OR56A3: variants seen among roughly 807,000 people sequenced by gnomAD.
The protein encoded by OR56A3 is olfactory receptor 56A3.
OR56A3 carries 23 observed loss-of-function variants against 17.5 expected under a neutral mutation model. The observed-to-expected ratio is 1.32, with a 90% confidence interval of 0.95 to 1.87. The LOEUF (loss-of-function observed/expected upper bound fraction) is 1.87. Among genes scored for constraint, OR56A3 ranks in the 40% most tolerant of loss-of-function variants. OR56A3 has a pLI of 0.00. For synonymous variants in OR56A3, 175 were observed against 150.6 expected (o/e 1.16, Z -1.19); for missense variants, 366 against 380.1 (o/e 0.96, Z 0.31).
chr11:5,970,467 G>A, the OR56A3 span, among the ~76,000 whole-genome samples: 2 of 152,168 alleles, frequency 1.3e-5, no homozygotes, highest in Admixed American at 6.5e-5. Flanking sequence ...TAGAATGCGG[G>A]AGGACAGGGA....
the OR56A3 span, among the ~76,000 whole-genome samples, chr11:5,964,505 T>G: frequency 6.6e-6 from 1 of 152,014 alleles, no homozygotes; most frequent in African/African-American, 2.4e-5. Flanking sequence ...AGTGCAGCAG[T>G]GGGTTGGAAT....
At chr11:6,018,302 A>C in the OR56A3 span, among the ~76,000 whole-genome samples, 27 of 152,174 alleles carry the variant, frequency 1.8e-4, no homozygotes, top group African/African-American at 4.8e-4. Flanking sequence ...ATCAGCACAA[A>C]GAACATTGTC....
the OR56A3 span, among the ~76,000 whole-genome samples, chr11:5,966,243 G>C: frequency 6.6e-6 from 1 of 150,486 alleles, no homozygotes; most frequent in Non-Finnish European, 1.5e-5. Context: ...GCATGGTGGT[G>C]CACACCTGTA....
Position 5,947,664 on chromosome 11 carries a change from C to T in OR56A3, c.318C>T (p.Tyr106=). Residue 106 remains tyrosine (Y), a synonymous_variant, in exon 3 of 3, where the codon TAC becomes TAT. Transcript: ENST00000641160. The part of the protein sequence containing the change: ...ISFPACFLQM[Y]IMNCFLAMES... ...TCCCTGCCTGCTTCCTCCAGATGTA[C>T]ATCATGAATTGTTTCCTAGCCATGG... The T allele has an allele frequency of 6.2e-7, 1 of 1,614,202 alleles. No individual in the cohort carries two copies.
chr11:5,962,033 T>A, the OR56A3 span, among the ~76,000 whole-genome samples: 3 of 152,238 alleles, frequency 2.0e-5, no homozygotes, highest in Non-Finnish European at 4.4e-5. Flanking sequence ...GAATTTGCCA[T>A]ATGTAACCTT....
chr11:5,986,007 A>C, the OR56A3 span: 114 of 1,612,932 alleles, frequency 7.1e-5, no homozygotes, highest in Non-Finnish European at 9.2e-5. Context: ...CTCCATAGAC[A>C]AGAGGATTGA....
the OR56A3 span, chr11:6,002,883 A>G: frequency 1.9e-6 from 3 of 1,614,060 alleles, no homozygotes; most frequent in Non-Finnish European, 2.5e-6. Flanking sequence ...CAGGAGGAAG[A>G]GAAGGCTGAG....
the OR56A3 span, among the ~76,000 whole-genome samples, chr11:5,985,609 G>A: frequency 6.6e-6 from 1 of 152,158 alleles, no homozygotes; most frequent in South Asian, 2.1e-4. Flanking sequence ...AGACAGTGTT[G>A]CATGGCCTAC....
the OR56A3 span, chr11:5,995,087 C>A: frequency 1.7e-6 from 1 of 596,510 alleles, no homozygotes; most frequent in South Asian, 1.8e-5. Context: ...GGCCGGGTGC[C>A]ATAGCTGGGC....
At chr11:5,967,662 A>T in the OR56A3 span, 1 of 1,614,018 alleles carries the variant, frequency 6.2e-7, no homozygotes, top group Non-Finnish European at 8.5e-7. Flanking sequence ...GATGTTGAGC[A>T]GGATGGGGAC....
chr11:5,962,040 C>G, the OR56A3 span, among the ~76,000 whole-genome samples: 2 of 151,980 alleles, frequency 1.3e-5, no homozygotes, highest in African/African-American at 2.4e-5. Context: ...CCATATGTAA[C>G]CTTTATTATG....
At chr11:5,972,104 G>T in the OR56A3 span, among the ~76,000 whole-genome samples, 31 of 152,272 alleles carry the variant, frequency 2.0e-4, 1 homozygote, top group South Asian at 6.2e-3. Flanking sequence ...ACCAGCTTTT[G>T]CCCTAAGCCT....
chr11:5,985,764 C>A, the OR56A3 span: 1 of 577,762 alleles, frequency 1.7e-6, no homozygotes, highest in Non-Finnish European at 2.9e-6. Context: ...ATCCAGATAT[C>A]CAGGTACATC....
the OR56A3 span, among the ~76,000 whole-genome samples, chr11:5,983,706 C>G: frequency 1.3e-5 from 2 of 152,170 alleles, no homozygotes; most frequent in Non-Finnish European, 2.9e-5. Context: ...TTCTTCTCTC[C>G]TTTGCTTGCT....
chr11:5,986,493 G>T, the OR56A3 span: 15 of 1,613,754 alleles, frequency 9.3e-6, no homozygotes, highest in Middle Eastern at 1.6e-4. Context: ...GGTGCAAGGG[G>T]TGACAAATGG....
At chr11:6,011,589 A>G in the OR56A3 span, among the ~76,000 whole-genome samples, 8 of 152,162 alleles carry the variant, frequency 5.3e-5, no homozygotes, top group African/African-American at 1.7e-4. Flanking sequence ...ATTTTAATCA[A>G]TGACAATGTT....
At chr11:5,975,840 C>T in the OR56A3 span, among the ~76,000 whole-genome samples, 1 of 151,922 alleles carries the variant, frequency 6.6e-6, no homozygotes, top group Non-Finnish European at 1.5e-5. Context: ...TAAAAGTGTT[C>T]CTATTTCTCC....
chr11:5,976,567 A>G, the OR56A3 span, among the ~76,000 whole-genome samples: 3,730 of 152,116 alleles, frequency 0.025, 155 homozygotes, highest in African/African-American at 0.085. Flanking sequence ...TTCAGTCATC[A>G]TTTTGATTAC....
downstream of OR56A3, among the ~76,000 whole-genome samples, chr11:5,952,608 T>G (rs1275654292): frequency 1.3e-5 from 2 of 152,076 alleles, no homozygotes; most frequent in East Asian, 3.8e-4. Flanking sequence ...AGGTAAGATA[T>G]GCAAGGCCTA....
Sources: allele counts gnomAD v4.1 joint callset (sites outside exome capture counted in the v4.1 genomes callset), GRCh38; gene constraint gnomAD v4.1.1; transcripts MANE v1.5; gene names NCBI Gene and HGNC (gene_info 2026-07-23, HGNC 2026-07-21).